PELI2: variants seen among roughly 807,000 people sequenced by gnomAD.
PELI2 encodes E3 ubiquitin-protein ligase pellino homolog 2.
A neutral mutation model predicts 42.3 loss-of-function variants in PELI2; 23 were observed. That is an observed-to-expected ratio of 0.54 (90% CI 0.39 to 0.77). PELI2 has a LOEUF of 0.77. PELI2 is among the 30% of genes least tolerant of loss of function. The pLI, the probability that PELI2 is intolerant of heterozygous loss-of-function variation, is 0.00. For missense variants in PELI2, 463 were observed against 553.2 expected, an observed-to-expected ratio of 0.84 and a Z score of 1.64; for synonymous variants, 245 against 212.2, an observed-to-expected ratio of 1.15 and a Z score of -1.34.
At chr14:56,176,229 C>T (rs1166315566) in intron 1 of PELI2, among the ~76,000 whole-genome samples, 1 of 152,166 alleles carries the variant, frequency 6.6e-6, no homozygotes, top group Admixed American at 6.5e-5. Context: ...GCCAAACAAG[C>T]GTCTGCTGCA....
At chr14:56,264,324 A>G (rs551175596) in intron 2 of PELI2, among the ~76,000 whole-genome samples, 1 of 152,200 alleles carries the variant, frequency 6.6e-6, no homozygotes, top group Non-Finnish European at 1.5e-5. Context: ...AAGAACACTG[A>G]TGTACCGTAC....
At chr14:56,201,901 T>C (rs964535567) in intron 2 of PELI2, among the ~76,000 whole-genome samples, 3 of 152,244 alleles carry the variant, frequency 2.0e-5, no homozygotes, top group Non-Finnish European at 2.9e-5. Context: ...AATAACTCAC[T>C]GTGATTACAA....
At chr14:56,227,342 A>C (rs1050670605) in intron 2 of PELI2, among the ~76,000 whole-genome samples, 2 of 152,212 alleles carry the variant, frequency 1.3e-5, no homozygotes, top group Admixed American at 1.3e-4. Flanking sequence ...AGAGTGCCCC[A>C]CTGGGGCTGG....
At chr14:56,293,915 A>G (rs1251531875) in intron 5 of PELI2, among the ~76,000 whole-genome samples, 1 of 152,176 alleles carries the variant, frequency 6.6e-6, no homozygotes, top group Non-Finnish European at 1.5e-5. Context: ...GCTTCTTACC[A>G]CATCAGGGTG....
rs117070077 is a variant in PELI2, at chr14:56,188,310, A to G, written c.207+9846A>G. Among the ~76,000 whole-genome samples, 395 of 152,350 alleles carry G rather than the reference A, an allele frequency of 2.6e-3. 6 individuals carry two copies. In the East Asian group the frequency reaches 0.056, roughly 22 times the overall value. On this transcript the variant is annotated intron_variant, in intron 2 of 5. Coordinates refer to ENST00000267460, the MANE Select transcript of PELI2 (RefSeq NM_021255.3). ...GACAGTCACTTGTTCTAATGGGTCA[A>G]TAACTAATGGATTGGTATTCTGCAA...
chr14:56,235,731 C>A (rs1887769842), intron 2 of PELI2, among the ~76,000 whole-genome samples: 1 of 152,232 alleles, frequency 6.6e-6, no homozygotes, highest in Non-Finnish European at 1.5e-5. Context: ...TGGATATTTT[C>A]ATTTCCTTAT....
At chr14:56,183,660 A>G (rs1042081383) in intron 2 of PELI2, among the ~76,000 whole-genome samples, 8 of 152,194 alleles carry the variant, frequency 5.3e-5, no homozygotes, top group African/African-American at 1.7e-4. Flanking sequence ...CATTATTGAC[A>G]TGGCTCCAAC....
chr14:56,134,486 CT>C (rs1379873147), intron 1 of PELI2, among the ~76,000 whole-genome samples: 1 of 152,092 alleles, frequency 6.6e-6, no homozygotes, highest in Admixed American at 6.6e-5. Context: ...CACTCTGAAT[CT>C]TTTGCTTTTC....
chr14:56,243,342 G>C (rs548375928), intron 2 of PELI2, among the ~76,000 whole-genome samples: 2 of 152,158 alleles, frequency 1.3e-5, no homozygotes, highest in Admixed American at 1.3e-4. Flanking sequence ...TTGGGATGAC[G>C]TTATTGCAGT....
chr14:56,183,598 A>C (rs1350024689), intron 2 of PELI2, among the ~76,000 whole-genome samples: 1 of 152,188 alleles, frequency 6.6e-6, no homozygotes, highest in Non-Finnish European at 1.5e-5. Flanking sequence ...ATCTACTGAG[A>C]TGCAAAAATG....
intron 1 of PELI2, among the ~76,000 whole-genome samples, chr14:56,174,260 A>G (rs941962501): frequency 1.3e-5 from 2 of 152,152 alleles, no homozygotes; most frequent in African/African-American, 2.4e-5. Context: ...CCCCATGGCT[A>G]TGGTGCTGCT....
chr14:56,230,676 G>C (rs1359111154), intron 2 of PELI2, among the ~76,000 whole-genome samples: 1 of 152,160 alleles, frequency 6.6e-6, no homozygotes, highest in African/African-American at 2.4e-5. Context: ...TTGATGCTAG[G>C]AAGAAACTCC....
chr14:56,119,480 C>G (rs2139567461), intron 1 of PELI2, among the ~76,000 whole-genome samples: 1 of 152,306 alleles, frequency 6.6e-6, no homozygotes, highest in South Asian at 2.1e-4. Flanking sequence ...CTGATGCCCT[C>G]CCGGCTGCGG....
rs187803414 is a variant in PELI2 at position 56,271,683 on chromosome 14, G to A, written c.208-7993G>A. On this transcript the variant is annotated intron_variant, in intron 2 of 5. Transcript: ENST00000267460. ...TGTTGTGGCCATCATTCAGAAGGCT[G>A]TTGAGAACACAAGCGTACATTACGT... 5.9e-4 allele frequency among the ~76,000 whole-genome samples: 90 copies of A among 152,322 alleles called. 1 individual carries two copies. Among genetic ancestry groups the A allele is most frequent in the African/African-American group, 2.0e-3 (84 of 41,580 alleles).
intron 5 of PELI2, among the ~76,000 whole-genome samples, chr14:56,290,662 T>G (rs1321656420): frequency 6.6e-6 from 1 of 152,208 alleles, no homozygotes; most frequent in African/African-American, 2.4e-5. Flanking sequence ...TTTCCCATAG[T>G]GGGAGTAAAT....
intron 1 of PELI2, among the ~76,000 whole-genome samples, chr14:56,128,977 G>A (rs1883382322): frequency 6.6e-6 from 1 of 152,088 alleles, no homozygotes; most frequent in South Asian, 2.1e-4. Context: ...CAAGGGGAAA[G>A]CAGAGTACCT....
chr14:56,205,032 A>AG (rs1448137959), intron 2 of PELI2, among the ~76,000 whole-genome samples: 4 of 150,102 alleles, frequency 2.7e-5, no homozygotes, highest in Non-Finnish European at 4.5e-5. Context: ...TCCCTGTCAA[A>AG]AAAAAAAAAA....
chr14:56,127,661 G>A (rs1883324035), intron 1 of PELI2, among the ~76,000 whole-genome samples: 2 of 152,206 alleles, frequency 1.3e-5, no homozygotes, highest in African/African-American at 4.8e-5. Context: ...GAGAGCTACA[G>A]GCCTAGAATC....
rs1441930895 is a variant in PELI2, at chr14:56,197,959, G to A, written c.207+19495G>A. 7.8e-6 allele frequency among the ~76,000 whole-genome samples: 1 copy of A among 128,742 alleles called. No homozygotes were observed. The highest frequency in any genetic ancestry group is 1.6e-5 in the Non-Finnish European group (1 of 62,882). The allele number at this position is 128,742 out of a possible 152,430, so 84.5% of individuals were successfully genotyped here. A position where few individuals can be genotyped will look rare whatever the true frequency, so the allele number is the denominator to read the frequency against. Reference sequence around the variant, plus strand: ...CACACACACACACACCAGGGATCATGACTGGTGAAGACACACACACACACA... The same window carrying A: ...CACACACACACACACCAGGGATCATAACTGGTGAAGACACACACACACACA... On this transcript the variant is annotated intron_variant, in intron 2 of 5. Coordinates refer to ENST00000267460, the MANE Select transcript of PELI2 (RefSeq NM_021255.3). This position sits in a 1 kb window ranked among gnomAD's most constrained non-coding sequence, Gnocchi z 4.9.
Sources: allele counts gnomAD v4.1 joint callset (sites outside exome capture counted in the v4.1 genomes callset), GRCh38; gene constraint gnomAD v4.1.1; non-coding constraint Gnocchi (gnomAD v3.1); transcripts MANE v1.5; gene names NCBI Gene and HGNC (gene_info 2026-07-23, HGNC 2026-07-21).